The following PCLO variants were observed in gnomAD, a reference collection of about 807,000 sequenced individuals.
PCLO encodes the protein piccolo presynaptic cytomatrix protein.
PCLO carries 82 observed loss-of-function variants against 427.5 expected under a neutral mutation model. The observed-to-expected ratio is 0.19, with a 90% confidence interval of 0.16 to 0.23. The LOEUF is 0.23. PCLO is among the 10% of genes least tolerant of loss of function. The pLI is 1.00. For synonymous variants in PCLO, 2,357 were observed against 2,155.4 expected, an observed-to-expected ratio of 1.09 and a Z score of -2.59; for missense variants, 6,239 against 6,115.9, an observed-to-expected ratio of 1.02 and a Z score of -0.67.
chr7:82,975,816 C>T (rs911438931), intron 3 of PCLO, among the ~76,000 whole-genome samples: 2 of 152,056 alleles, frequency 1.3e-5, no homozygotes, highest in Non-Finnish European at 2.9e-5. Context: ...AGGAAGTTCT[C>T]ATGAGACCTG....
intron 22 of PCLO, among the ~76,000 whole-genome samples, chr7:82,762,375 A>G (rs1790448931): frequency 1.3e-5 from 2 of 152,102 alleles, no homozygotes; most frequent in African/African-American, 4.8e-5. Context: ...ATAAATGCCT[A>G]TGTGATAGTA....
In PCLO at chr7:82,951,265, C is replaced by G. The variant is rs774487258; in HGVS notation, c.9323G>C (p.Gly3108Ala). Reference protein sequence around the residue: ...PSTFAITTQPGSIFSTTVRDL... With the variant: ...PSTFAITTQPASIFSTTVRDL... ...CCTCACTGTGGTGCTGAAAATGGAG[C>G]CAGGTTGTGTGGTGATAGCAAATGT... The change falls in exon 6 of 25, where the codon GGC becomes GCC. Residue 3108 changes from glycine to alanine, a missense_variant. Around this residue, in one of 5 missense-constraint regions of PCLO, gnomAD observed 4,677 missense variants for 4,468.4 expected, o/e 1.05. Coordinates refer to ENST00000333891, the MANE Select transcript of PCLO (RefSeq NM_033026.6). The G allele has an allele frequency of 2.5e-6, 4 of 1,613,286 alleles. No homozygotes were observed.
intron 20 of PCLO, chr7:82,821,255 T>G (rs1001129197): frequency 2.0e-6 from 2 of 987,210 alleles, no homozygotes; most frequent in Non-Finnish European, 2.4e-6. Context: ...GTGTCTGTGC[T>G]GCTTCCTGGC....
chr7:82,769,141 C>T (rs1583954187), intron 22 of PCLO, among the ~76,000 whole-genome samples: 2 of 152,114 alleles, frequency 1.3e-5, no homozygotes, highest in Non-Finnish European at 2.9e-5. Flanking sequence ...TGGGAATATT[C>T]GCTTTAAAAC....
intron 1 of PCLO, among the ~76,000 whole-genome samples, chr7:83,156,959 A>G (rs1036481858): frequency 3.3e-5 from 5 of 152,208 alleles, no homozygotes; most frequent in African/African-American, 1.2e-4. Flanking sequence ...AATAGGGAAT[A>G]TAATGTGAAA....
intron 22 of PCLO, among the ~76,000 whole-genome samples, chr7:82,764,252 G>T (rs1418090764): frequency 6.6e-6 from 1 of 151,898 alleles, no homozygotes; most frequent in African/African-American, 2.4e-5. Context: ...GGCAGTCAAT[G>T]GTCATGTAAG....
chr7:82,884,389 T>C (rs1358918514), intron 9 of PCLO, among the ~76,000 whole-genome samples: 2 of 152,162 alleles, frequency 1.3e-5, no homozygotes, highest in Non-Finnish European at 1.5e-5. Context: ...AAATGACAGA[T>C]GATGCATGCT....
Position 82,847,304 on chromosome 7 carries a change from A to C in PCLO, c.13655-57T>G, listed in dbSNP as rs1415159540. 6.6e-5 allele frequency: 62 copies of C among 937,404 alleles called. No individual in the cohort carries two copies. In the South Asian group the frequency reaches 8.7e-4, roughly 13 times the overall value. 58.1% of individuals were successfully genotyped at this position (937,404 alleles called of 1,614,324 possible). A position where few individuals can be genotyped will look rare whatever the true frequency, so the allele number is the denominator to read the frequency against. ...CGTGTGCTATCTCTAGTCTGGGTAC[A>C]TATGGCATTGAAGACATTTATTTGC... is the stretch of plus-strand genomic sequence containing the variant. On this transcript the variant is annotated intron_variant, in intron 10 of 24. Transcript: ENST00000333891.
intron 10 of PCLO, among the ~76,000 whole-genome samples, chr7:82,862,296 A>G (rs1792977288): frequency 6.6e-6 from 1 of 152,032 alleles, no homozygotes; most frequent in Admixed American, 6.6e-5. Context: ...AAGACAGGCA[A>G]TAACAAATGC....
chr7:83,136,324 T>G (rs1791728691), intron 2 of PCLO, among the ~76,000 whole-genome samples: 1 of 152,114 alleles, frequency 6.6e-6, no homozygotes, highest in Admixed American at 6.5e-5. Context: ...TCACAAAATT[T>G]GTTTTTTCTT....
intron 3 of PCLO, among the ~76,000 whole-genome samples, chr7:83,024,749 C>A (rs1210229889): frequency 6.6e-6 from 1 of 152,222 alleles, no homozygotes; most frequent in Non-Finnish European, 1.5e-5. Context: ...CAGTACGCAG[C>A]TGGAGATCTG....
intron 24 of PCLO, among the ~76,000 whole-genome samples, chr7:82,759,761 T>C (rs950830808): frequency 6.6e-6 from 1 of 151,996 alleles, no homozygotes; most frequent in African/African-American, 2.4e-5. Context: ...TTCCCCCATT[T>C]CTACTTTTAT....
intron 22 of PCLO, among the ~76,000 whole-genome samples, chr7:82,785,417 C>G (rs1220428264): frequency 6.6e-6 from 1 of 152,074 alleles, no homozygotes; most frequent in African/African-American, 2.4e-5. Context: ...GGCCACAGAC[C>G]AATACAGGTC....
chr7:83,074,600 C>G (rs1421331730), intron 3 of PCLO, among the ~76,000 whole-genome samples: 1 of 152,002 alleles, frequency 6.6e-6, no homozygotes, highest in Admixed American at 6.6e-5. Flanking sequence ...CTTAATGGAA[C>G]AATGATTGAT....
At chr7:83,008,936 T>C (rs1788012085) in intron 3 of PCLO, among the ~76,000 whole-genome samples, 1 of 151,534 alleles carries the variant, frequency 6.6e-6, no homozygotes, top group Non-Finnish European at 1.5e-5. Flanking sequence ...GGAAAAAAGA[T>C]ATATTAAGCA....
In PCLO at chr7:82,953,871, A is replaced by C; in HGVS notation, c.7082T>G (p.Phe2361Cys). Reference protein sequence around the residue: ...PMKEQLSTTYFTSGETFGQEK... With the variant: ...PMKEQLSTTYCTSGETFGQEK... ...CTGACCAAAGGTCTCTCCAGATGTA[A>C]AGTATGTAGTTGAAAGCTGCTCTTT... Residue 2361 changes from phenylalanine to cysteine, a missense_variant, in exon 5 of 25, where the codon TTT becomes TGT. Physicochemically the swap from Phe to Cys is radical, Grantham distance 205. This residue lies in a region of PCLO where 4,677 missense variants were observed against 4,468.4 expected (regional missense o/e 1.05). Coordinates refer to ENST00000333891, the MANE Select transcript of PCLO (RefSeq NM_033026.6). 6.2e-7 allele frequency: 1 copy of C among 1,613,806 alleles called. No homozygotes were observed.
intron 1 of PCLO, among the ~76,000 whole-genome samples, chr7:83,159,528 T>C (rs1224966703): frequency 6.6e-6 from 1 of 152,072 alleles, no homozygotes; most frequent in Non-Finnish European, 1.5e-5. Context: ...ACTGCTAGCT[T>C]GTAACTACTT....
chr7:82,779,899 G>A (rs749192119), intron 22 of PCLO, among the ~76,000 whole-genome samples: 1 of 151,956 alleles, frequency 6.6e-6, no homozygotes, highest in Non-Finnish European at 1.5e-5. Flanking sequence ...ACAATAGTAT[G>A]GGTAAGGGAT....
intron 3 of PCLO, among the ~76,000 whole-genome samples, chr7:83,081,523 T>G (rs1170174430): frequency 2.0e-5 from 3 of 151,884 alleles, no homozygotes; most frequent in Admixed American, 6.6e-5. Context: ...TCTGAAAAAT[T>G]TAGACCTGAT....
Sources: allele counts gnomAD v4.1 joint callset (sites outside exome capture counted in the v4.1 genomes callset), GRCh38; gene constraint gnomAD v4.1.1; regional missense constraint gnomAD v4.1.1; transcripts MANE v1.5; gene names NCBI Gene and HGNC (gene_info 2026-07-23, HGNC 2026-07-21).